AKT3: variants seen among roughly 807,000 people sequenced by gnomAD.
AKT3 encodes the protein RAC-gamma serine/threonine-protein kinase.
Under a neutral mutation model 65.3 loss-of-function variants are expected in AKT3, and 15 were observed. That is an observed-to-expected ratio of 0.23 (90% CI 0.15 to 0.35). The LOEUF (loss-of-function observed/expected upper bound fraction) is 0.35. Among genes scored for constraint, AKT3 ranks in the 10% least tolerant of loss-of-function variants. The pLI is 1.00. For missense variants in AKT3, 243 were observed against 576.5 expected (o/e 0.42, Z 5.92); for synonymous variants, 206 against 183.8 (o/e 1.12, Z -0.98).
upstream of AKT3, among the ~76,000 whole-genome samples, chr1:243,850,540 C>T (rs1695736780): frequency 6.6e-6 from 1 of 151,504 alleles, no homozygotes; most frequent in African/African-American, 2.4e-5. Context: ...GGGGACCCCC[C>T]GCCGCCTCCC....
intron 13 of AKT3, among the ~76,000 whole-genome samples, chr1:243,493,594 T>C (rs1391495840): frequency 1.3e-5 from 2 of 152,000 alleles, no homozygotes; most frequent in Non-Finnish European, 2.9e-5. Context: ...GTGATTCCCT[T>C]TTAGTCCCCT....
At chr1:243,517,415 T>C (rs1670436810) in intron 12 of AKT3, among the ~76,000 whole-genome samples, 2 of 152,242 alleles carry the variant, frequency 1.3e-5, no homozygotes, top group South Asian at 4.1e-4. Context: ...GATATTGAAC[T>C]GTCCAATAGT....
chr1:243,710,800 T>C (rs1242255993), intron 2 of AKT3, among the ~76,000 whole-genome samples: 3 of 152,234 alleles, frequency 2.0e-5, no homozygotes, highest in Non-Finnish European at 2.9e-5. Flanking sequence ...CTATGTGAGC[T>C]TAATTAGTTT....
intron 2 of AKT3, among the ~76,000 whole-genome samples, chr1:243,719,144 T>C (rs1686711691): frequency 6.6e-6 from 1 of 152,218 alleles, no homozygotes; most frequent in South Asian, 2.1e-4. Flanking sequence ...AGACAGTCAT[T>C]GCAAAAACAT....
intron 2 of AKT3, among the ~76,000 whole-genome samples, chr1:243,700,751 C>G (rs1459031072): frequency 6.6e-6 from 1 of 152,156 alleles, no homozygotes; most frequent in Non-Finnish European, 1.5e-5. Context: ...ATCCACCTGC[C>G]TTGGCATCCC....
At chr1:243,688,399 A>G (rs1207489964) in intron 3 of AKT3, among the ~76,000 whole-genome samples, 9 of 152,238 alleles carry the variant, frequency 5.9e-5, no homozygotes. Context: ...ATATTAAAAA[A>G]TAATTCAGCT....
Position 243,632,828 on chromosome 1 carries a change from C to T in AKT3, c.561+4783G>A, listed in dbSNP as rs373026880. Among the ~76,000 whole-genome samples the T allele has an allele frequency of 1.9e-4, 29 of 152,302 alleles. No individual in the cohort carries two copies. The South Asian group carries it at 2.5e-3, about 13-fold the overall frequency. ...ATGGTGTCTTTCCTTAAACCTCACA[C>T]GCCAACCTTTCCTAGCTTCCAACTG... On this transcript the variant is annotated intron_variant, in intron 6 of 13. Transcript: ENST00000673466.
chr1:243,842,678 G>C (rs146310004), intron 2 of AKT3, among the ~76,000 whole-genome samples: 1 of 152,072 alleles, frequency 6.6e-6, no homozygotes, highest in African/African-American at 2.4e-5. Context: ...ATGAGTTTGC[G>C]GGTGAACCCT....
Position 243,780,548 on chromosome 1 carries a change from T to C in AKT3, c.46+62577A>G, listed in dbSNP as rs527499140. Among the ~76,000 whole-genome samples the C allele has an allele frequency of 1.4e-3, 216 of 151,396 alleles. 1 individual carries two copies. Among genetic ancestry groups the C allele is most frequent in the African/African-American group, 5.0e-3 (207 of 41,384 alleles). ...GGAAAAAATTCTATATATTTGAACATAAATATATTTAAGTATTTAAAAATA... is the reference window on the plus strand; with the variant it reads ...GGAAAAAATTCTATATATTTGAACACAAATATATTTAAGTATTTAAAAATA... On this transcript the variant is annotated intron_variant, in intron 2 of 13. Transcript: ENST00000673466.
chr1:243,693,240 TTTGATATATATATATATA>T (rs1166431336), intron 3 of AKT3, among the ~76,000 whole-genome samples: 2 of 56,498 alleles, frequency 3.5e-5, no homozygotes, highest in Non-Finnish European at 7.0e-5. Flanking sequence ...GTAGCTACAA[TTTGATATATATATATATA>T]TATATATATA....
chr1:243,679,187 T>C (rs2147968623), intron 3 of AKT3, among the ~76,000 whole-genome samples: 1 of 152,348 alleles, frequency 6.6e-6, no homozygotes, highest in Middle Eastern at 3.4e-3. Flanking sequence ...ACACAAAATA[T>C]GTATCAATTA....
chr1:243,601,338 A>G (rs1184061974), intron 8 of AKT3, among the ~76,000 whole-genome samples: 1 of 152,158 alleles, frequency 6.6e-6, no homozygotes, highest in Non-Finnish European at 1.5e-5. Context: ...AGAATAAGAA[A>G]AGAAGTTCAA....
At chr1:243,520,412 T>C (rs370869729) in intron 12 of AKT3, among the ~76,000 whole-genome samples, 2 of 152,254 alleles carry the variant, frequency 1.3e-5, no homozygotes, top group East Asian at 3.8e-4. Flanking sequence ...GTCTGTGGTA[T>C]TTTGTTACAG....
In AKT3 at chr1:243,505,158, T is replaced by TG; in HGVS notation, c.*90dup. 8.1e-7 allele frequency: 1 copy of TG among 1,230,992 alleles called. No individual in the cohort carries two copies. Among genetic ancestry groups the TG allele is most frequent in the Non-Finnish European group, 1.2e-6 (1 of 849,558 alleles). 76.3% of individuals were successfully genotyped at this position (1,230,992 alleles called of 1,614,324 possible). A position where few individuals can be genotyped will look rare whatever the true frequency, so the allele number is the denominator to read the frequency against. ...GGTCTGGGATGTCGGAAGGTGCCCC[T>TG]GCTATGTGTAAGAGCTAGGACTGGT... On this transcript the variant is annotated 3_prime_UTR_variant, in exon 14 of 14. Coordinates refer to ENST00000673466, the MANE Select transcript of AKT3 (RefSeq NM_005465.7).
Position 243,585,941 on chromosome 1 carries a change from G to A in AKT3, c.697-12893C>T, listed in dbSNP as rs552126373. Among the ~76,000 whole-genome samples the A allele has an allele frequency of 2.4e-3, 361 of 151,658 alleles. 2 individuals carry two copies. Among genetic ancestry groups the A allele is most frequent in the African/African-American group, 8.5e-3 (354 of 41,420 alleles). On this transcript the variant is annotated intron_variant, in intron 8 of 13. Transcript: ENST00000673466. ...GTACAGCAAAAGAAACTATCAACAGGGTAAACCTACAGAATGGGATAAAAT... is the reference window on the plus strand; with the variant it reads ...GTACAGCAAAAGAAACTATCAACAGAGTAAACCTACAGAATGGGATAAAAT...
At chr1:243,538,721 C>T (rs1013255426) in intron 12 of AKT3, among the ~76,000 whole-genome samples, 10 of 151,538 alleles carry the variant, frequency 6.6e-5, no homozygotes, top group Middle Eastern at 3.4e-3. Context: ...TAAAGATGAG[C>T]GCAGTGATGT....
chr1:243,840,269 C>A (rs766701758), intron 2 of AKT3, among the ~76,000 whole-genome samples: 2 of 152,018 alleles, frequency 1.3e-5, no homozygotes, highest in Non-Finnish European at 2.9e-5. Flanking sequence ...CTCTGGAGTA[C>A]AAAGAGAGCG....
At chr1:243,706,126 G>A (rs1015923099) in intron 2 of AKT3, among the ~76,000 whole-genome samples, 2 of 152,092 alleles carry the variant, frequency 1.3e-5, no homozygotes, top group Non-Finnish European at 2.9e-5. Context: ...AAATATGGAA[G>A]CAGTGAGTCC....
At chr1:243,575,471 G>T (rs1043570112) in intron 8 of AKT3, among the ~76,000 whole-genome samples, 1 of 152,012 alleles carries the variant, frequency 6.6e-6, no homozygotes. Context: ...AAGTTGTTCC[G>T]ATTAAATATA....
Sources: allele counts gnomAD v4.1 joint callset (sites outside exome capture counted in the v4.1 genomes callset), GRCh38; gene constraint gnomAD v4.1.1; transcripts MANE v1.5; gene names NCBI Gene and HGNC (gene_info 2026-07-23, HGNC 2026-07-21).